Variants in STPG2 observed in about 807,000 individuals in gnomAD.
The protein encoded by STPG2 is sperm-tail PG-rich repeat-containing protein 2.
STPG2 carries 56 observed loss-of-function variants against 54.2 expected under a neutral mutation model. That is an observed-to-expected ratio of 1.03 (90% CI 0.83 to 1.29). The LOEUF (loss-of-function observed/expected upper bound fraction) is 1.29. STPG2 is among the 50% of genes most tolerant of loss of function. The pLI, the probability that STPG2 is intolerant of heterozygous loss-of-function variation, is 0.00. For synonymous variants in STPG2, 200 were observed against 181.8 expected, an observed-to-expected ratio of 1.10 and a Z score of -0.81; for missense variants, 596 against 544.9, an observed-to-expected ratio of 1.09 and a Z score of -0.93.
At chr4:97,722,237 A>T (rs1302968340) in intron 9 of STPG2, among the ~76,000 whole-genome samples, 2 of 152,164 alleles carry the variant, frequency 1.3e-5, no homozygotes, top group Admixed American at 6.5e-5. Context: ...GCCATTAATG[A>T]AATCTATTTC....
At chr4:97,481,442 A>G (rs1730218748) in intron 4 of STPG2, among the ~76,000 whole-genome samples, 1 of 151,604 alleles carries the variant, frequency 6.6e-6, no homozygotes, top group African/African-American at 2.4e-5. Flanking sequence ...TTTCATCTGT[A>G]GATCAATTTG....
At chr4:97,702,123 C>A (rs1344940288) in intron 10 of STPG2, among the ~76,000 whole-genome samples, 1 of 152,180 alleles carries the variant, frequency 6.6e-6, no homozygotes, top group Admixed American at 6.5e-5. Context: ...GCATTTGGAT[C>A]CCTTCCTCTA....
chr4:98,059,388 G>A (rs969072552), intron 5 of STPG2, among the ~76,000 whole-genome samples: 1 of 151,794 alleles, frequency 6.6e-6, no homozygotes, highest in Non-Finnish European at 1.5e-5. Flanking sequence ...CTGAAAATGA[G>A]CTCCAAAACT....
intron 9 of STPG2, among the ~76,000 whole-genome samples, chr4:97,779,669 G>A (rs1214766705): frequency 1.3e-5 from 2 of 152,074 alleles, no homozygotes; most frequent in Non-Finnish European, 2.9e-5. Flanking sequence ...AAATATTAAG[G>A]GCAGCCAGAG....
intron 8 of STPG2, among the ~76,000 whole-genome samples, chr4:97,866,988 T>A (rs1454027740): frequency 1.3e-5 from 2 of 151,898 alleles, no homozygotes; most frequent in African/African-American, 4.8e-5. Flanking sequence ...ACTGGCAACC[T>A]CTCAGTTAAA....
chr4:97,466,593 T>C (rs907677449), intron 4 of STPG2, among the ~76,000 whole-genome samples: 32 of 152,100 alleles, frequency 2.1e-4, no homozygotes, highest in Admixed American at 1.4e-3. Context: ...TAAGTATTTA[T>C]TTTTCATATA....
intron 7 of STPG2, among the ~76,000 whole-genome samples, chr4:97,962,680 A>G (rs1267440160): frequency 6.6e-6 from 1 of 152,178 alleles, no homozygotes; most frequent in Non-Finnish European, 1.5e-5. Context: ...TTTTTGATTC[A>G]CTTAGTATTG....
intron 8 of STPG2, among the ~76,000 whole-genome samples, chr4:97,845,051 T>C (rs377106685): frequency 1.3e-5 from 2 of 151,998 alleles, no homozygotes; most frequent in East Asian, 1.9e-4. Flanking sequence ...TCTATTAAGA[T>C]TCTCTATTGG....
intron 9 of STPG2, among the ~76,000 whole-genome samples, chr4:97,761,047 G>A (rs1383793579): frequency 4.6e-5 from 7 of 152,036 alleles, no homozygotes; most frequent in South Asian, 2.1e-4. Flanking sequence ...AAAAACCTAT[G>A]AGACTACATC....
At chr4:98,105,633 A>G (rs1213454499) in intron 5 of STPG2, among the ~76,000 whole-genome samples, 1 of 152,146 alleles carries the variant, frequency 6.6e-6, no homozygotes, top group Non-Finnish European at 1.5e-5. Context: ...AACCAGCAGT[A>G]AATGGTAATA....
chr4:97,916,975 C>G (rs1188569722), intron 8 of STPG2: 1 of 152,714 alleles, frequency 6.5e-6, no homozygotes, highest in Non-Finnish European at 1.5e-5. Context: ...AAATGGAGGA[C>G]AGCAGCTTCT....
At chr4:97,912,314 C>A (rs1731711625) in intron 8 of STPG2, among the ~76,000 whole-genome samples, 1 of 152,148 alleles carries the variant, frequency 6.6e-6, no homozygotes, top group South Asian at 2.1e-4. Context: ...TGGGCTGAGG[C>A]TGAGACCGCT....
At chr4:97,475,467 TTATA>T (rs757986986) in intron 4 of STPG2, among the ~76,000 whole-genome samples, 69 of 149,222 alleles carry the variant, frequency 4.6e-4, no homozygotes, top group Non-Finnish European at 9.3e-4. Context: ...TGTATATATG[TTATA>T]TATAATACAT....
chr4:97,874,959 T>C (rs141310359), intron 8 of STPG2, among the ~76,000 whole-genome samples: 295 of 152,050 alleles, frequency 1.9e-3, no homozygotes, highest in African/African-American at 7.0e-3. Context: ...ATGCCTGTCA[T>C]TTAAGCCACC....
chr4:98,046,050 C>CTTTTTTTTTTT (rs546145548), intron 5 of STPG2, among the ~76,000 whole-genome samples: 1 of 136,504 alleles, frequency 7.3e-6, no homozygotes. Flanking sequence ...TTTTTTCATT[C>CTTTTTTTTTTT]TTTTTTTTTT....
intron 5 of STPG2, among the ~76,000 whole-genome samples, chr4:98,052,117 C>A (rs1187575710): frequency 6.6e-6 from 1 of 150,898 alleles, no homozygotes; most frequent in Admixed American, 6.6e-5. Flanking sequence ...AACAAATTCA[C>A]ATTCAACTAT....
At chr4:98,130,940 C>CAAAAAA (rs1215700216) in intron 2 of STPG2, among the ~76,000 whole-genome samples, 2 of 96,282 alleles carry the variant, frequency 2.1e-5, no homozygotes, top group African/African-American at 4.2e-5. Context: ...AAAAAAAAAA[C>CAAAAAA]AAAAAAAAAA....
intron 8 of STPG2, among the ~76,000 whole-genome samples, chr4:97,876,279 T>C (rs964397961): frequency 6.6e-6 from 1 of 152,100 alleles, no homozygotes; most frequent in African/African-American, 2.4e-5. Context: ...TAGAAAATTG[T>C]TGGCAAATGT....
At chr4:97,458,740 G>T (rs1348336089) in intron 4 of STPG2, among the ~76,000 whole-genome samples, 1 of 152,088 alleles carries the variant, frequency 6.6e-6, no homozygotes, top group Non-Finnish European at 1.5e-5. Flanking sequence ...TTGTAGTTCT[G>T]ATTAGATACA....
Sources: gnomAD v4.1 joint callset for allele counts (sites outside exome capture counted in the v4.1 genomes callset) on GRCh38, gnomAD v4.1.1 for gene constraint, MANE v1.5 for transcripts, NCBI Gene and HGNC (gene_info 2026-07-23, HGNC 2026-07-21) for gene names.